Variants in RPS24 observed in about 807,000 individuals in gnomAD.
RPS24 encodes ribosomal protein S24, also known as small ribosomal subunit protein eS24.
For missense variants in RPS24, 100 were observed against 162.5 expected (o/e 0.62, Z 2.09); for synonymous variants, 72 against 55.6 (o/e 1.30, Z -1.31).
chr10:78,036,612 A>G (rs1229019126), intron 3 of RPS24: 1 of 154,746 alleles, frequency 6.5e-6, no homozygotes. Context: ...CTGAGGCTGC[A>G]CTATTTTTAA....
chr10:78,037,926 G>A, intron 4 of RPS24: 2 of 191,288 alleles, frequency 1.0e-5, no homozygotes, highest in South Asian at 5.8e-5. Flanking sequence ...TTTTTTTTTT[G>A]CTTTTCCTCT....
downstream of RPS24, among the ~76,000 whole-genome samples, chr10:78,041,200 T>C (rs1157592943): frequency 1.3e-5 from 2 of 152,076 alleles, no homozygotes. Context: ...GCTGAAAGAC[T>C]TGGTTGGGCA....
rs750156207 is a variant in RPS24, at chr10:78,037,305, GTA to G, written c.390+4_390+5del. On this transcript the variant is annotated splice_donor_variant and splice_donor_region_variant and intron_variant, in intron 4 of 5. Coordinates refer to ENST00000372360, the MANE Select transcript of RPS24 (RefSeq NM_033022.4). LOFTEE classifies it high-confidence loss of function. ...GGCCAATGTTGGTGCTGGCAAAAAG[GTA>G]TAGTTCATTAAGGAAAATATAGAAA... The G allele has an allele frequency of 6.3e-7, 1 of 1,594,490 alleles. No homozygotes were observed. The highest frequency in any genetic ancestry group is 1.8e-5 in the Admixed American group (1 of 56,800).
At position 78,037,271 on chromosome 10, in the gene RPS24, G is replaced by A. The variant is rs1346588847; in HGVS notation, c.357G>A (p.Gly119=). Residue 119 remains glycine (G), a synonymous_variant, in exon 4 of 6, where the codon GGG becomes GGA. Coordinates refer to ENST00000372360, the MANE Select transcript of RPS24 (RefSeq NM_033022.4). ...AGAACAGAATGAAGAAAGTCAGGGG[G>A]ACTGCAAAGGCCAATGTTGGTGCTG... ...ERKNRMKKVR[G]TAKANVGAGK... is the part of the protein sequence containing the mutation. 6.2e-7 allele frequency: 1 copy of A among 1,606,674 alleles called. No individual in the cohort carries two copies. Among genetic ancestry groups the A allele is most frequent in the Non-Finnish European group, 8.5e-7 (1 of 1,176,402 alleles).
chr10:78,037,940 CT>C, intron 4 of RPS24: 1 of 231,316 alleles, frequency 4.3e-6, no homozygotes, highest in Non-Finnish European at 7.4e-6. Context: ...TTCCTCTCTA[CT>C]TTCTTGGATT....
At chr10:78,047,104 T>C (rs906674180) in intron 4 of RPS24, among the ~76,000 whole-genome samples, 15 of 151,552 alleles carry the variant, frequency 9.9e-5, no homozygotes, top group Middle Eastern at 3.4e-3. Flanking sequence ...TACTGGTGCC[T>C]GCCACCACGC....
intron 3 of RPS24, 49 bp from the exon 4 acceptor site, chr10:78,037,145 A>G (rs767693392): frequency 5.8e-6 from 9 of 1,564,128 alleles, no homozygotes; most frequent in Admixed American, 3.8e-5. Context: ...GTGGTGGGTA[A>G]TGATTTTAAT....
At chr10:78,035,018 A>G (rs546792745) in intron 1 of RPS24, among the ~76,000 whole-genome samples, 1 of 152,222 alleles carries the variant, frequency 6.6e-6, no homozygotes, top group African/African-American at 2.4e-5. Context: ...TAGTTATTCT[A>G]AAACATACAG....
At chr10:78,047,387 A>T (rs949887907) in intron 4 of RPS24, among the ~76,000 whole-genome samples, 15 of 152,176 alleles carry the variant, frequency 9.9e-5, no homozygotes, top group Non-Finnish European at 2.1e-4. Context: ...CCGGTAGGAC[A>T]GTGCTGTAGA....
In RPS24 at chr10:78,045,999, C is replaced by T. The variant is rs189983545; in HGVS notation, c.391-8532C>T. ...CCTGGGTGACAGAGCGAGGCTCTGTCTCAAAAACAACAAATGCCCAGCCTC... is the reference window on the plus strand; with the variant it reads ...CCTGGGTGACAGAGCGAGGCTCTGTTTCAAAAACAACAAATGCCCAGCCTC... On this transcript the variant is annotated intron_variant, in intron 4 of 4. Transcript: ENST00000440692. Among the ~76,000 whole-genome samples the T allele has an allele frequency of 5.3e-3, 802 of 152,128 alleles. 7 individuals are homozygous for T. Among genetic ancestry groups the T allele is most frequent in the African/African-American group, 0.018 (733 of 41,504 alleles).
chr10:78,034,315 C>A (rs7071351), intron 1 of RPS24: 149,383 of 283,920 alleles, frequency 0.53, 41,300 homozygotes, highest in Non-Finnish European at 0.59. Context: ...GGGCGAGTTG[C>A]GGCAAGTGAA....
rs536005821 is a variant in RPS24, at chr10:78,048,734, G to A, written c.391-5797G>A. On this transcript the variant is annotated intron_variant, in intron 4 of 4. Transcript: ENST00000440692. ...TACTAAAAACACAAAAATTAGCCGGGCATGGGGGCATGCACCTGTGGTCCC... is the reference window on the plus strand; with the variant it reads ...TACTAAAAACACAAAAATTAGCCGGACATGGGGGCATGCACCTGTGGTCCC... Among the ~76,000 whole-genome samples the A allele has an allele frequency of 7.2e-5, 11 of 152,142 alleles. No homozygotes were observed. In the South Asian group the frequency reaches 2.1e-3, roughly 29 times the overall value.
chr10:78,034,160 C>CGT (rs1262280618), intron 1 of RPS24: 2 of 228,138 alleles, frequency 8.8e-6, no homozygotes, highest in Non-Finnish European at 1.7e-5. Flanking sequence ...TTGTTGACTT[C>CGT]GTGGAGCACG....
At chr10:78,041,060 T>C (rs1044765386), downstream of RPS24, among the ~76,000 whole-genome samples, 1 of 152,004 alleles carries the variant, frequency 6.6e-6, no homozygotes, top group Non-Finnish European at 1.5e-5. Flanking sequence ...CTGGTCTTGA[T>C]TGAACTCGGG....
downstream of RPS24, among the ~76,000 whole-genome samples, chr10:78,042,526 A>G (rs16935570): frequency 0.018 from 2,677 of 152,352 alleles, 72 homozygotes; most frequent in African/African-American, 0.059. Flanking sequence ...CAAACTGTGG[A>G]CAGATTCAGC....
chr10:78,037,508 C>T (rs1349433136), intron 4 of RPS24: 7 of 747,526 alleles, frequency 9.4e-6, no homozygotes, highest in South Asian at 2.0e-5. Context: ...TTGGCCCACC[C>T]CTTGTCAGCT....
intron 4 of RPS24, among the ~76,000 whole-genome samples, chr10:78,049,700 C>G (rs1848080737): frequency 6.6e-6 from 1 of 152,138 alleles, no homozygotes. Context: ...GGTGCTAGTG[C>G]AAGGTCAGCA....
intron 4 of RPS24, chr10:78,054,510 C>A: frequency 6.6e-7 from 1 of 1,515,920 alleles, no homozygotes. Flanking sequence ...TGAGACTATT[C>A]TCTCCTTCCC....
intron 3 of RPS24, among the ~76,000 whole-genome samples, chr10:78,036,850 G>A (rs1216123728): frequency 6.6e-6 from 1 of 152,128 alleles, no homozygotes; most frequent in East Asian, 1.9e-4. Flanking sequence ...GTTGAAATGG[G>A]AAGAGATCCC....
Sources: allele counts gnomAD v4.1 joint callset (sites outside exome capture counted in the v4.1 genomes callset), GRCh38; gene constraint gnomAD v4.1.1; transcripts MANE v1.5; gene names NCBI Gene and HGNC (gene_info 2026-07-23, HGNC 2026-07-21).